SDF2: variants seen among roughly 807,000 people sequenced by gnomAD.
The protein encoded by SDF2 is stromal cell-derived factor 2.
A neutral mutation model predicts 20.5 loss-of-function variants in SDF2; 12 were observed. That is an observed-to-expected ratio of 0.58 (90% CI 0.37 to 0.95). SDF2 has a LOEUF of 0.95. Among genes scored for constraint, SDF2 ranks in the 40% least tolerant of loss-of-function variants. The pLI is 0.01. For missense variants in SDF2, 238 were observed against 263.1 expected (o/e 0.90, Z 0.66); for synonymous variants, 100 against 101.0 (o/e 0.99, Z 0.06).
chr17:28,658,609 G>A (rs1363633751), intron 1 of SDF2, among the ~76,000 whole-genome samples: 1 of 152,202 alleles, frequency 6.6e-6, no homozygotes, highest in African/African-American at 2.4e-5. Context: ...CAAAGCTGAA[G>A]AATTTTTCTT....
chr17:28,654,795 C>CAA (rs56971516), intron 2 of SDF2, among the ~76,000 whole-genome samples: 2 of 146,456 alleles, frequency 1.4e-5, no homozygotes, highest in Non-Finnish European at 3.0e-5. Context: ...ACTAAAAATA[C>CAA]AAAAAAAAAA....
chr17:28,660,315 C>T (rs2072013916), intron 1 of SDF2, among the ~76,000 whole-genome samples: 1 of 152,230 alleles, frequency 6.6e-6, no homozygotes, highest in Non-Finnish European at 1.5e-5. Flanking sequence ...AGGACAAAAG[C>T]ATTTGTATTT....
intron 1 of SDF2, chr17:28,660,969 A>G (rs1050999092): frequency 1.2e-5 from 2 of 171,340 alleles, no homozygotes; most frequent in African/African-American, 4.9e-5. Context: ...ACTGATTATC[A>G]CCACCGAATC....
chr17:28,659,838 T>C (rs1308193395), intron 1 of SDF2, among the ~76,000 whole-genome samples: 3 of 148,036 alleles, frequency 2.0e-5, no homozygotes, highest in African/African-American at 7.5e-5. Flanking sequence ...CTAGACGGGG[T>C]GGCGGCCGGG....
intron 1 of SDF2, 75 bp from the exon 2 acceptor site, chr17:28,655,558 G>A (rs1292730890): frequency 3.7e-5 from 49 of 1,309,326 alleles, no homozygotes; most frequent in Non-Finnish European, 5.1e-5. Context: ...GCTTGAGTGC[G>A]CTCAAGATTC....
intron 2 of SDF2, among the ~76,000 whole-genome samples, chr17:28,649,682 C>T (rs78526691): frequency 2.8e-5 from 4 of 143,032 alleles, no homozygotes; most frequent in East Asian, 4.2e-4. Flanking sequence ...TGCGGTGAGC[C>T]GAGATCACAC....
intron 1 of SDF2, among the ~76,000 whole-genome samples, chr17:28,658,959 G>T (rs938114887): frequency 1.4e-5 from 2 of 147,570 alleles, no homozygotes; most frequent in Non-Finnish European, 3.0e-5. Context: ...GGGCAGAGGC[G>T]CTCCTCACAT....
At chr17:28,662,010 A>G, upstream of SDF2, 1 of 1,076,110 alleles carries the variant, frequency 9.3e-7, no homozygotes, top group Non-Finnish European at 1.3e-6. Flanking sequence ...ATTTGACTAG[A>G]GCGGCCTGAG....
intron 2 of SDF2, among the ~76,000 whole-genome samples, chr17:28,650,350 T>C (rs1247289920): frequency 6.6e-6 from 1 of 152,186 alleles, no homozygotes; most frequent in Non-Finnish European, 1.5e-5. Context: ...TGGTCCATGG[T>C]TCTTATCTGA....
intron 2 of SDF2, among the ~76,000 whole-genome samples, chr17:28,651,750 G>T (rs147541160): frequency 2.6e-4 from 40 of 152,004 alleles, no homozygotes; most frequent in South Asian, 2.3e-3. Context: ...CTATACGATG[G>T]CAATTAAAAA....
intron 1 of SDF2, chr17:28,656,195 G>A (rs1479235941): frequency 6.6e-6 from 1 of 152,022 alleles, no homozygotes; most frequent in Non-Finnish European, 1.5e-5. Context: ...GCTCACGCTT[G>A]TAATCCCAGC....
chr17:28,655,547 A>T, intron 1 of SDF2, 64 bp from the exon 2 acceptor site: 1 of 1,404,808 alleles, frequency 7.1e-7, no homozygotes, highest in Non-Finnish European at 9.7e-7. Flanking sequence ...CAGAGACAGA[A>T]GCTTGAGTGC....
intron 2 of SDF2, among the ~76,000 whole-genome samples, chr17:28,654,392 GT>G (rs2071938595): frequency 6.6e-6 from 1 of 151,388 alleles, no homozygotes; most frequent in Admixed American, 6.6e-5. Flanking sequence ...AAAACATTGG[GT>G]TTCTTTATTG....
rs1173196644 is a variant in SDF2, at chr17:28,661,896, C to G, written c.-20G>C. The G allele has an allele frequency of 6.3e-7, 1 of 1,584,126 alleles. No homozygotes were observed. The highest frequency in any genetic ancestry group is 8.6e-7 in the Non-Finnish European group (1 of 1,157,478). On this transcript the variant is annotated 5_prime_UTR_variant, in exon 1 of 3. Coordinates refer to ENST00000247020, the MANE Select transcript of SDF2 (RefSeq NM_006923.4). ...AGCCATCCTAACTGTATCGCGGAGC[C>G]CCAAATCTTCGAAGAAAACTCGGCC...
At chr17:28,653,447 G>A (rs1342141484) in intron 2 of SDF2, among the ~76,000 whole-genome samples, 1 of 152,222 alleles carries the variant, frequency 6.6e-6, no homozygotes, top group Non-Finnish European at 1.5e-5. Context: ...AACTGTCACA[G>A]CCAAGAACAG....
chr17:28,661,919 G>C, upstream of SDF2: 2 of 1,582,076 alleles, frequency 1.3e-6, no homozygotes, highest in Non-Finnish European at 1.7e-6. Flanking sequence ...AGAAAACTCG[G>C]CCCCTCCCCG....
intron 1 of SDF2, among the ~76,000 whole-genome samples, chr17:28,656,702 A>C (rs2071966272): frequency 6.6e-6 from 1 of 152,236 alleles, no homozygotes; most frequent in Non-Finnish European, 1.5e-5. Context: ...AGGATATCCA[A>C]GGCACAAATC....
Position 28,648,949 on chromosome 17 carries a change from G to T in SDF2, c.*40C>A, listed in dbSNP as rs1344354367. On this transcript the variant is annotated 3_prime_UTR_variant, in exon 3 of 3. Transcript: ENST00000247020. ...CAAGGTGAGGCAGCAACAGATGTCT[G>T]TGAACATTGTGCGTTAACAGTGGCT... 5 of 1,600,680 alleles carry T rather than the reference G, an allele frequency of 3.1e-6. No individual in the cohort carries two copies. The East Asian group carries it at 9.0e-5, about 29-fold the overall frequency.
chr17:28,652,730 G>A lies in SDF2; in HGVS notation c.348+2557C>T, dbSNP rs187203995. Among the ~76,000 whole-genome samples the A allele has an allele frequency of 4.7e-4, 71 of 152,306 alleles. 2 individuals are homozygous for A. Among genetic ancestry groups the A allele is most frequent in the Non-Finnish European group, 1.5e-5 (1 of 68,024 alleles). ...CCAATAAAAGGAAGCAGAGCTCCTTGGAGAAACAGCTGATTCTAGTACTGG... is the reference window on the plus strand; with the variant it reads ...CCAATAAAAGGAAGCAGAGCTCCTTAGAGAAACAGCTGATTCTAGTACTGG... On this transcript the variant is annotated intron_variant, in intron 2 of 2. Transcript: ENST00000247020.
Sources: gnomAD v4.1 joint callset for allele counts (sites outside exome capture counted in the v4.1 genomes callset) on GRCh38, gnomAD v4.1.1 for gene constraint, MANE v1.5 for transcripts, NCBI Gene and HGNC (gene_info 2026-07-23, HGNC 2026-07-21) for gene names.